The following ATP6V0A4 variants were observed in gnomAD, a reference collection of about 807,000 sequenced individuals.
The protein encoded by ATP6V0A4 is V-type proton ATPase 116 kDa subunit a 4.
ATP6V0A4 carries 86 observed loss-of-function variants against 107.3 expected under a neutral mutation model. The ratio of observed to expected loss-of-function variants is 0.80; its 90% CI spans 0.67 to 0.96. ATP6V0A4 has a LOEUF of 0.96. ATP6V0A4 is among the 40% of genes least tolerant of loss of function. The pLI is 0.00. For synonymous variants in ATP6V0A4, 353 were observed against 381.4 expected, an observed-to-expected ratio of 0.93 and a Z score of 0.87; for missense variants, 908 against 1,045.6, an observed-to-expected ratio of 0.87 and a Z score of 1.81.
At chr7:138,760,259 C>T (rs936884379) in intron 7 of ATP6V0A4, among the ~76,000 whole-genome samples, 2 of 152,014 alleles carry the variant, frequency 1.3e-5, no homozygotes, top group African/African-American at 2.4e-5. Context: ...GCCTGGCCAA[C>T]ATGCTGAAAC....
At chr7:138,717,744 C>T (rs1476458845) in intron 19 of ATP6V0A4, among the ~76,000 whole-genome samples, 1 of 150,944 alleles carries the variant, frequency 6.6e-6, no homozygotes, top group Admixed American at 6.6e-5. Context: ...CCTACCTCTA[C>T]TAAAAACACA....
chr7:138,713,179 C>T (rs1238209914), intron 20 of ATP6V0A4, among the ~76,000 whole-genome samples: 1 of 150,360 alleles, frequency 6.7e-6, no homozygotes, highest in African/African-American at 2.5e-5. Context: ...GTGGTGTGCA[C>T]CTGTAGTCCC....
chr7:138,762,641 G>T (rs1806881846), intron 6 of ATP6V0A4: 4 of 548,334 alleles, frequency 7.3e-6, no homozygotes, highest in Non-Finnish European at 9.3e-6. Context: ...CAAACCAACT[G>T]CTGTGCTTGG....
At chr7:138,707,439 T>C (rs1431948375) in intron 21 of ATP6V0A4, among the ~76,000 whole-genome samples, 1 of 114,208 alleles carries the variant, frequency 8.8e-6, no homozygotes, top group African/African-American at 3.4e-5. Flanking sequence ...TTTGCTCTTG[T>C]GGTCCAGGCT....
intron 18 of ATP6V0A4, among the ~76,000 whole-genome samples, chr7:138,723,293 G>A (rs961175772): frequency 1.3e-5 from 2 of 151,994 alleles, no homozygotes; most frequent in African/African-American, 4.8e-5. Flanking sequence ...TACCTTCCAT[G>A]TAGCCTTGTG....
At chr7:138,778,327 C>T (rs1807763779) in intron 2 of ATP6V0A4, among the ~76,000 whole-genome samples, 1 of 151,508 alleles carries the variant, frequency 6.6e-6, no homozygotes, top group African/African-American at 2.4e-5. Context: ...CGCCACTGCA[C>T]TCCAGCCTGG....
chr7:138,756,053 G>C (rs1258732109), intron 9 of ATP6V0A4: 2 of 577,514 alleles, frequency 3.5e-6, no homozygotes, highest in East Asian at 3.3e-5. Flanking sequence ...AAGACTGCAA[G>C]CTGGGCTTGC....
At chr7:138,732,767 C>T in intron 17 of ATP6V0A4, 110 bp downstream of exon 17, 1 of 1,233,284 alleles carries the variant, frequency 8.1e-7, no homozygotes, top group Non-Finnish European at 1.1e-6. Flanking sequence ...GCACTCCAGC[C>T]TGGGTGACAG....
At chr7:138,785,363 C>T (rs1040485607) in intron 2 of ATP6V0A4, among the ~76,000 whole-genome samples, 1 of 151,514 alleles carries the variant, frequency 6.6e-6, no homozygotes, top group Non-Finnish European at 1.5e-5. Context: ...GCAACCTCCA[C>T]CTCCTGGATT....
chr7:138,718,702 G>C (rs1804279614), intron 19 of ATP6V0A4, among the ~76,000 whole-genome samples: 1 of 132,976 alleles, frequency 7.5e-6, no homozygotes, highest in East Asian at 2.2e-4. Flanking sequence ...AGTCACGGAT[G>C]TCTGCGGAGG....
chr7:138,722,063 C>T (rs760348160), intron 18 of ATP6V0A4, 38 bp from the exon 19 acceptor site: 2 of 1,613,558 alleles, frequency 1.2e-6, no homozygotes, highest in Non-Finnish European at 1.7e-6. Flanking sequence ...GCGCTCAACT[C>T]ACCCTGAGAA....
At chr7:138,713,912 G>A (rs1803883300) in intron 20 of ATP6V0A4, among the ~76,000 whole-genome samples, 1 of 150,158 alleles carries the variant, frequency 6.7e-6, no homozygotes, top group African/African-American at 2.4e-5. Flanking sequence ...ACAAGCCTGG[G>A]CAACATGGCA....
chr7:138,753,388 G>A (rs987467410), intron 10 of ATP6V0A4, among the ~76,000 whole-genome samples: 3 of 152,206 alleles, frequency 2.0e-5, no homozygotes, highest in African/African-American at 4.8e-5. Context: ...GAGGGAGCAC[G>A]GCCCTGCTGA....
chr7:138,762,047 A>G (rs1806846863), intron 7 of ATP6V0A4, among the ~76,000 whole-genome samples: 1 of 152,178 alleles, frequency 6.6e-6, no homozygotes, highest in Admixed American at 6.6e-5. Context: ...ACGCCAGGGA[A>G]GAGTTGTGAT....
intron 1 of ATP6V0A4, among the ~76,000 whole-genome samples, chr7:138,788,139 G>A (rs1051306706): frequency 6.6e-6 from 1 of 152,170 alleles, no homozygotes; most frequent in Non-Finnish European, 1.5e-5. Flanking sequence ...GTTCGCTTCG[G>A]TTTTATGTGA....
At chr7:138,743,174 T>C (rs1174091042) in intron 14 of ATP6V0A4, among the ~76,000 whole-genome samples, 2 of 151,828 alleles carry the variant, frequency 1.3e-5, no homozygotes, top group East Asian at 1.9e-4. Context: ...AAACCCAGGA[T>C]TGGGCCGGGC....
rs556875581 is a variant in ATP6V0A4, at chr7:138,771,022, G to A, written c.117+109C>T. 7.6e-5 allele frequency: 85 copies of A among 1,111,852 alleles called. 1 individual carries two copies. Among genetic ancestry groups the A allele is most frequent in the Middle Eastern group, 6.9e-4 (3 of 4,370 alleles). The allele number at this position is 1,111,852 out of a possible 1,614,324, so 68.9% of individuals were successfully genotyped here. A position where few individuals can be genotyped will look rare whatever the true frequency, so the allele number is the denominator to read the frequency against. ...CAGAATTTCATCGATTCCAGCTCAC[G>A]GCTCCTCTCCCTACAAAATGGTTAT... On this transcript the variant is annotated intron_variant, in intron 3 of 21. Transcript: ENST00000310018.
chr7:138,792,708 C>T (rs899309396), intron 1 of ATP6V0A4, among the ~76,000 whole-genome samples: 33 of 151,798 alleles, frequency 2.2e-4, no homozygotes, highest in Admixed American at 1.6e-3. Context: ...AAGCAATCCT[C>T]CTATCTCAGC....
chr7:138,729,649 T>C (rs1804888968), intron 17 of ATP6V0A4, among the ~76,000 whole-genome samples: 1 of 152,166 alleles, frequency 6.6e-6, no homozygotes, highest in African/African-American at 2.4e-5. Context: ...GAGTGACTCA[T>C]AGCTGCTATG....
Sources: gnomAD v4.1 joint callset for allele counts (sites outside exome capture counted in the v4.1 genomes callset) on GRCh38, gnomAD v4.1.1 for gene constraint, MANE v1.5 for transcripts, NCBI Gene and HGNC (gene_info 2026-07-23, HGNC 2026-07-21) for gene names.